Variants in PRKCE observed in about 807,000 individuals in gnomAD.
PRKCE encodes protein kinase C epsilon.
PRKCE carries 16 observed loss-of-function variants against 85.4 expected under a neutral mutation model. The observed-to-expected ratio is 0.19, with a 90% confidence interval of 0.13 to 0.28. PRKCE has a LOEUF of 0.28. PRKCE is among the 10% of genes least tolerant of loss of function. The pLI is 1.00. For missense variants in PRKCE, 573 were observed against 975.2 expected, an observed-to-expected ratio of 0.59 and a Z score of 5.49; for synonymous variants, 388 against 371.5, an observed-to-expected ratio of 1.04 and a Z score of -0.51.
At chr2:45,923,772 G>A (rs533441316) in intron 2 of PRKCE, among the ~76,000 whole-genome samples, 1 of 152,230 alleles carries the variant, frequency 6.6e-6, no homozygotes, top group Admixed American at 6.5e-5. Context: ...GAGGGGGCTG[G>A]GATCACCTTG....
intron 10 of PRKCE, among the ~76,000 whole-genome samples, chr2:46,016,753 A>T (rs928284396): frequency 2.6e-5 from 4 of 152,054 alleles, no homozygotes; most frequent in Admixed American, 6.5e-5. Flanking sequence ...TACTAAAAAT[A>T]CAAAAATTAT....
intron 14 of PRKCE, among the ~76,000 whole-genome samples, chr2:46,163,123 G>T (rs1677941442): frequency 6.6e-6 from 1 of 152,368 alleles, no homozygotes; most frequent in South Asian, 2.1e-4. Context: ...TGCCTGCCTA[G>T]CTCAGGTACC....
intron 1 of PRKCE, among the ~76,000 whole-genome samples, chr2:45,823,421 C>T (rs1053250194): frequency 6.6e-6 from 1 of 152,156 alleles, no homozygotes; most frequent in Non-Finnish European, 1.5e-5. Flanking sequence ...ACTTTTGGAT[C>T]TCATTAAATC....
At chr2:46,005,004 A>G (rs2255091) in intron 8 of PRKCE, among the ~76,000 whole-genome samples, 23,130 of 152,024 alleles carry the variant, frequency 0.15, 2,361 homozygotes, top group East Asian at 0.34. Flanking sequence ...ACCTGTCAAC[A>G]CCACTCCCTT....
At chr2:45,896,173 C>A (rs1696125832) in intron 2 of PRKCE, among the ~76,000 whole-genome samples, 1 of 152,130 alleles carries the variant, frequency 6.6e-6, no homozygotes, top group African/African-American at 2.4e-5. Context: ...GTCAGTTATC[C>A]CTGCCATGCC....
chr2:46,066,361 T>G (rs949241800), intron 10 of PRKCE, among the ~76,000 whole-genome samples: 2 of 152,308 alleles, frequency 1.3e-5, no homozygotes, highest in African/African-American at 4.8e-5. Context: ...CTCACTTTCT[T>G]TCCTTCCTTT....
intron 2 of PRKCE, among the ~76,000 whole-genome samples, chr2:45,943,541 A>G (rs2104246769): frequency 6.6e-6 from 1 of 152,300 alleles, no homozygotes; most frequent in South Asian, 2.1e-4. Flanking sequence ...TCCCACAAAG[A>G]CTCAAAATGG....
intron 1 of PRKCE, among the ~76,000 whole-genome samples, chr2:45,813,533 G>A (rs1688803235): frequency 1.3e-5 from 2 of 152,282 alleles, no homozygotes; most frequent in East Asian, 3.9e-4. Flanking sequence ...CACCATGTGG[G>A]ACATGAGAGT....
intron 1 of PRKCE, among the ~76,000 whole-genome samples, chr2:45,749,431 G>A (rs550749900): frequency 2.6e-5 from 4 of 152,198 alleles, no homozygotes; most frequent in South Asian, 2.1e-4. Context: ...CATGTGGTTT[G>A]CAGCTCATGG....
chr2:46,100,931 C>T (rs528326063), intron 11 of PRKCE, among the ~76,000 whole-genome samples: 87 of 152,176 alleles, frequency 5.7e-4, no homozygotes, highest in Middle Eastern at 3.4e-3. Flanking sequence ...TGTAGTAGCA[C>T]GATCTCAGCT....
chr2:45,870,341 G>C (rs1693992084), intron 2 of PRKCE, among the ~76,000 whole-genome samples: 1 of 152,212 alleles, frequency 6.6e-6, no homozygotes, highest in Admixed American at 6.5e-5. Context: ...GAAAGATCCT[G>C]TGTAGACTCA....
intron 1 of PRKCE, among the ~76,000 whole-genome samples, chr2:45,668,242 G>A (rs1048934524): frequency 6.6e-6 from 1 of 152,206 alleles, no homozygotes; most frequent in Non-Finnish European, 1.5e-5. Flanking sequence ...TCAGGAGGCT[G>A]AGGCAGGAGA....
chr2:45,769,490 G>C (rs1384036800), intron 1 of PRKCE, among the ~76,000 whole-genome samples: 1 of 152,142 alleles, frequency 6.6e-6, no homozygotes. Flanking sequence ...ACAATCGCTG[G>C]CGAGTAGTTT....
chr2:46,169,295 T>C (rs1209408540), intron 14 of PRKCE, among the ~76,000 whole-genome samples: 1 of 152,188 alleles, frequency 6.6e-6, no homozygotes, highest in Admixed American at 6.5e-5. Flanking sequence ...ATTCCATTGT[T>C]ATTCTGGAAT....
intron 1 of PRKCE, among the ~76,000 whole-genome samples, chr2:45,781,793 T>A (rs905043214): frequency 5.3e-5 from 8 of 152,192 alleles, no homozygotes; most frequent in African/African-American, 1.9e-4. Context: ...ACTCCTGTGG[T>A]GTCTAGGACA....
rs751437441 is a variant in PRKCE at position 46,145,269 on chromosome 2, C to G, written c.1731+38C>G. ...TGCAAAGGTTCACCTCCTCCTGGTG[C>G]CAGGACCGAGGCAGGGGTCCAAACC... is the stretch of plus-strand genomic sequence containing the variant. On this transcript the variant is annotated intron_variant, in intron 12 of 14. Transcript: ENST00000306156. This position sits in a 1 kb window ranked among gnomAD's most constrained non-coding sequence, Gnocchi z 4.6. The G allele has an allele frequency of 4.4e-6, 7 of 1,597,906 alleles. No individual in the cohort carries two copies. The South Asian group carries it at 7.7e-5, about 18-fold the overall frequency.
intron 1 of PRKCE, among the ~76,000 whole-genome samples, chr2:45,714,236 A>G (rs1262076242): frequency 6.6e-6 from 1 of 152,220 alleles, no homozygotes; most frequent in Non-Finnish European, 1.5e-5. Context: ...AAGAACACAT[A>G]GAAAGGGTAC....
At chr2:45,744,788 G>C (rs1683007086) in intron 1 of PRKCE, among the ~76,000 whole-genome samples, 2 of 151,676 alleles carry the variant, frequency 1.3e-5, no homozygotes, top group African/African-American at 4.8e-5. Context: ...TTTGTATTTT[G>C]AATAGAGACA....
At chr2:45,992,676 C>G (rs1189377654) in intron 6 of PRKCE, among the ~76,000 whole-genome samples, 3 of 152,226 alleles carry the variant, frequency 2.0e-5, no homozygotes, top group Non-Finnish European at 4.4e-5. Context: ...TGGGCCCCTC[C>G]TTAGGAGTGG....
Sources: gnomAD v4.1 joint callset for allele counts (sites outside exome capture counted in the v4.1 genomes callset) on GRCh38, gnomAD v4.1.1 for gene constraint, Gnocchi (gnomAD v3.1) non-coding constraint, MANE v1.5 for transcripts, NCBI Gene and HGNC (gene_info 2026-07-23, HGNC 2026-07-21) for gene names.